Variants in PABPC4L observed in about 807,000 individuals in gnomAD.
PABPC4L encodes poly(A) binding protein cytoplasmic 4 like.
For missense variants in PABPC4L, 452 were observed against 451.4 expected, an observed-to-expected ratio of 1.00 and a Z score of -0.01; for synonymous variants, 169 against 164.1, an observed-to-expected ratio of 1.03 and a Z score of -0.23.
the PABPC4L span, among the ~76,000 whole-genome samples, chr4:134,047,649 C>G: frequency 6.6e-6 from 1 of 152,016 alleles, no homozygotes; most frequent in Non-Finnish European, 1.5e-5. Flanking sequence ...TTGAAAAGAT[C>G]TCAAACATAG....
At chr4:134,072,015 A>C in the PABPC4L span, among the ~76,000 whole-genome samples, 1 of 150,702 alleles carries the variant, frequency 6.6e-6, no homozygotes, top group Non-Finnish European at 1.5e-5. Flanking sequence ...AATACATGAC[A>C]TCATGGACAA....
chr4:134,165,051 A>G, the PABPC4L span, among the ~76,000 whole-genome samples: 6 of 152,174 alleles, frequency 3.9e-5, no homozygotes, highest in Non-Finnish European at 7.4e-5. Flanking sequence ...TGTTCAATAA[A>G]TGGTGCCAGG....
the PABPC4L span, among the ~76,000 whole-genome samples, chr4:134,082,368 T>C: frequency 2.0e-5 from 3 of 152,112 alleles, no homozygotes; most frequent in African/African-American, 7.2e-5. Context: ...GTCAGACATG[T>C]AGGCCAGTGT....
At chr4:134,077,734 T>C in the PABPC4L span, among the ~76,000 whole-genome samples, 3 of 152,192 alleles carry the variant, frequency 2.0e-5, no homozygotes, top group Admixed American at 2.0e-4. Context: ...CAATTAATTT[T>C]CTCTATTTCC....
chr4:134,014,971 T>G, the PABPC4L span, among the ~76,000 whole-genome samples: 1 of 152,110 alleles, frequency 6.6e-6, no homozygotes, highest in African/African-American at 2.4e-5. Flanking sequence ...TGACTATTCC[T>G]GGACTATAGC....
At chr4:134,153,601 C>T in the PABPC4L span, among the ~76,000 whole-genome samples, 2 of 151,944 alleles carry the variant, frequency 1.3e-5, no homozygotes, top group South Asian at 2.1e-4. Flanking sequence ...TCCCCACATT[C>T]AGTATTCTGT....
the PABPC4L span, among the ~76,000 whole-genome samples, chr4:134,088,091 T>C: frequency 6.6e-6 from 1 of 152,066 alleles, no homozygotes. Context: ...AGATTTCTGT[T>C]GCTCCTCTTA....
the PABPC4L span, among the ~76,000 whole-genome samples, chr4:134,051,690 C>A: frequency 6.6e-6 from 1 of 152,072 alleles, no homozygotes; most frequent in South Asian, 2.1e-4. Context: ...AGAACTGAAG[C>A]AGCAAAACTC....
At chr4:134,129,460 AT>A in the PABPC4L span, among the ~76,000 whole-genome samples, 1 of 152,116 alleles carries the variant, frequency 6.6e-6, no homozygotes, top group Non-Finnish European at 1.5e-5. Flanking sequence ...GAAAGTCAAA[AT>A]TATATCAAGT....
chr4:134,172,297 T>C, the PABPC4L span, among the ~76,000 whole-genome samples: 1 of 152,012 alleles, frequency 6.6e-6, no homozygotes, highest in African/African-American at 2.4e-5. Flanking sequence ...CAAAACAGCA[T>C]GGTACTGGTA....
the PABPC4L span, among the ~76,000 whole-genome samples, chr4:134,026,117 G>A: frequency 6.6e-6 from 1 of 152,072 alleles, no homozygotes; most frequent in African/African-American, 2.4e-5. Flanking sequence ...TGGTGTTTGA[G>A]TTTATAATTG....
At chr4:134,142,709 A>C in the PABPC4L span, among the ~76,000 whole-genome samples, 1 of 151,616 alleles carries the variant, frequency 6.6e-6, no homozygotes, top group Non-Finnish European at 1.5e-5. Context: ...TATAAACTGC[A>C]GGAGGACTTA....
chr4:133,989,406 G>A, the PABPC4L span, among the ~76,000 whole-genome samples: 7 of 152,210 alleles, frequency 4.6e-5, no homozygotes, highest in East Asian at 1.4e-3. Context: ...CAGATCTCTA[G>A]GGCAGGGGCA....
chr4:133,948,778 G>A, the PABPC4L span, among the ~76,000 whole-genome samples: 12 of 152,072 alleles, frequency 7.9e-5, no homozygotes, highest in African/African-American at 1.9e-4. Context: ...TTTTGTTGAG[G>A]GCTAGTACCA....
the PABPC4L span, among the ~76,000 whole-genome samples, chr4:134,186,776 T>A: frequency 2.6e-5 from 4 of 152,040 alleles, no homozygotes; most frequent in East Asian, 1.9e-4. Flanking sequence ...TGGGAAAAAA[T>A]TTTTGCAATC....
the PABPC4L span, among the ~76,000 whole-genome samples, chr4:134,163,836 T>A: frequency 0.022 from 3,393 of 152,130 alleles, 127 homozygotes; most frequent in African/African-American, 0.077. Context: ...GTATAGAACA[T>A]ACATACATAA....
chr4:134,098,116 T>C, the PABPC4L span, among the ~76,000 whole-genome samples: 1 of 151,814 alleles, frequency 6.6e-6, no homozygotes, highest in Non-Finnish European at 1.5e-5. Context: ...TTCATACTAT[T>C]TATAAGAGCA....
chr4:134,177,416 C>A, the PABPC4L span, among the ~76,000 whole-genome samples: 5 of 152,102 alleles, frequency 3.3e-5, no homozygotes, highest in Non-Finnish European at 5.9e-5. Context: ...ACTTGCGATC[C>A]GCCCACCTCG....
chr4:134,086,936 A>G, the PABPC4L span, among the ~76,000 whole-genome samples: 70,580 of 149,630 alleles, frequency 0.47, 17,503 homozygotes, highest in East Asian at 0.94. Flanking sequence ...ATATCTCCCA[A>G]TGCTATCCCT....
Sources: gnomAD v4.1 joint callset for allele counts (sites outside exome capture counted in the v4.1 genomes callset) on GRCh38, gnomAD v4.1.1 for gene constraint, MANE v1.5 for transcripts, NCBI Gene and HGNC (gene_info 2026-07-23, HGNC 2026-07-21) for gene names.